The following SAR1B variants were observed in gnomAD, a reference collection of about 807,000 sequenced individuals.
The protein encoded by SAR1B is secretion associated Ras related GTPase 1B, also known as small COPII coat GTPase SAR1B.
In SAR1B, 23 loss-of-function variants were observed where a neutral mutation model predicts 26.8. The ratio of observed to expected loss-of-function variants is 0.86; its 90% CI spans 0.62 to 1.22. The LOEUF is 1.22. Among genes scored for constraint, SAR1B ranks in the 50% most tolerant of loss-of-function variants. The pLI, the probability that SAR1B is intolerant of heterozygous loss-of-function variation, is 0.00. For synonymous variants in SAR1B, 65 were observed against 80.8 expected (o/e 0.80, Z 1.05); for missense variants, 196 against 232.8 (o/e 0.84, Z 1.03).
chr5:134,608,980 A>G, intron 5 of SAR1B: 1 of 414,664 alleles, frequency 2.4e-6, no homozygotes, highest in Non-Finnish European at 4.8e-6. Flanking sequence ...ACCTACCTGG[A>G]CTTTTCCACA....
At chr5:134,631,547 T>C (rs1477403237) in intron 1 of SAR1B, 1 of 152,236 alleles carries the variant, frequency 6.6e-6, no homozygotes, top group African/African-American at 2.4e-5. Context: ...ACACGGAATA[T>C]AGGACGTCTT....
At chr5:134,628,222 T>TA (rs1328667463) in intron 1 of SAR1B, among the ~76,000 whole-genome samples, 6 of 150,948 alleles carry the variant, frequency 4.0e-5, no homozygotes, top group African/African-American at 1.5e-4. Flanking sequence ...CTATAAAAAA[T>TA]ACAAAAATTA....
chr5:134,621,443 A>T (rs559731146), intron 2 of SAR1B, among the ~76,000 whole-genome samples: 211 of 151,780 alleles, frequency 1.4e-3, no homozygotes, highest in African/African-American at 4.2e-3. Context: ...ATTGTACTCC[A>T]GCCTGGGCGA....
Position 134,632,760 on chromosome 5 carries a change from G to A in SAR1B, c.-51C>T, listed in dbSNP as rs1357363369. On this transcript the variant is annotated 5_prime_UTR_variant, in exon 1 of 7. Transcript: ENST00000402673. ...TGGAGGGAACGCAATCCCCTACTTG[G>A]CGTTGGCCGTACACCAGGAGACCGA... 2 of 152,378 alleles carry A rather than the reference G, an allele frequency of 1.3e-5. No homozygotes were observed. Among genetic ancestry groups the A allele is most frequent in the Non-Finnish European group, 2.9e-5 (2 of 68,158 alleles). The allele number at this position is 152,378 out of a possible 1,614,324, so 9.4% of individuals were successfully genotyped here.
At chr5:134,628,568 C>A (rs533625463) in intron 1 of SAR1B, among the ~76,000 whole-genome samples, 2 of 152,156 alleles carry the variant, frequency 1.3e-5, no homozygotes, top group African/African-American at 4.8e-5. Context: ...GTAATCCCTG[C>A]AGTTTGGGAG....
At chr5:134,607,933 A>AGG (rs1580645642) in intron 6 of SAR1B, among the ~76,000 whole-genome samples, 1 of 152,172 alleles carries the variant, frequency 6.6e-6, no homozygotes, top group East Asian at 1.9e-4. Context: ...TCCTAGGAAA[A>AGG]GTGAATACCA....
At chr5:134,623,370 G>A (rs910128155) in intron 2 of SAR1B, among the ~76,000 whole-genome samples, 2 of 151,936 alleles carry the variant, frequency 1.3e-5, no homozygotes, top group Non-Finnish European at 2.9e-5. Context: ...AACCTGGGAG[G>A]TGGAGTTTGC....
At chr5:134,611,340 A>G (rs1381297310) in intron 4 of SAR1B, among the ~76,000 whole-genome samples, 1 of 152,194 alleles carries the variant, frequency 6.6e-6, no homozygotes, top group Non-Finnish European at 1.5e-5. Context: ...ATGTCGCATC[A>G]GGTTTTTAGA....
intron 3 of SAR1B, among the ~76,000 whole-genome samples, chr5:134,615,072 G>C (rs1765284852): frequency 2.0e-5 from 3 of 152,190 alleles, no homozygotes; most frequent in Admixed American, 2.0e-4. Flanking sequence ...CTGGGGGCCG[G>C]GCGCGGTGGC....
At chr5:134,632,561 G>A (rs1003733094) in intron 1 of SAR1B, among the ~76,000 whole-genome samples, 167 bp downstream of exon 1, 1 of 152,226 alleles carries the variant, frequency 6.6e-6, no homozygotes, top group Non-Finnish European at 1.5e-5. Context: ...GCATGGATGA[G>A]ACCTGTCCTC....
At position 134,616,999 on chromosome 5, in the gene SAR1B, G is replaced by C. The variant is rs546351846; in HGVS notation, c.178+3934C>G. Among the ~76,000 whole-genome samples, 4 of 152,216 alleles carry C rather than the reference G, an allele frequency of 2.6e-5. No homozygotes were observed. The East Asian group carries it at 7.7e-4, about 29-fold the overall frequency. ...GTAATCCCAGCACTTTGGGAGGCTG[G>C]ATGGGAGGATCGCTTGAGCCCAGGA... On this transcript the variant is annotated intron_variant, in intron 3 of 6. Coordinates refer to ENST00000402673, the MANE Select transcript of SAR1B (RefSeq NM_016103.4).
chr5:134,608,357 T>TC lies in SAR1B; in HGVS notation c.480+14_480+15insG, dbSNP rs2150049637. 1 of 1,516,394 alleles carries TC rather than the reference T, an allele frequency of 6.6e-7. No individual in the cohort carries two copies. Among genetic ancestry groups the TC allele is most frequent in the Admixed American group, 2.0e-5 (1 of 49,962 alleles). 93.9% of individuals were successfully genotyped at this position (1,516,394 alleles called of 1,614,324 possible). On this transcript the variant is annotated intron_variant, in intron 6 of 6. Transcript: ENST00000402673. ...GAATTAAACACACCCATCATAATTT[T>TC]TTTTTTTTTTTTACCTTTCCTGTTG...
Position 134,604,293 on chromosome 5 carries a change from C to T in SAR1B, c.*2657G>A, listed in dbSNP as rs1034177456. On this transcript the variant is annotated 3_prime_UTR_variant, in exon 7 of 7. Transcript: ENST00000402673. ...TGTATACCACAGTGTTAACTACGCCCTAGCATCTTGCAGTGTGGGACACAC... is the reference window on the plus strand; with the variant it reads ...TGTATACCACAGTGTTAACTACGCCTTAGCATCTTGCAGTGTGGGACACAC... 8 of 152,232 alleles carry T rather than the reference C, an allele frequency of 5.3e-5. No individual in the cohort carries two copies. The allele number at this position is 152,232 out of a possible 1,614,324, so 9.4% of individuals were successfully genotyped here.
At chr5:134,621,155 C>T (rs575927847) in intron 2 of SAR1B, 103 bp from the exon 3 acceptor site, 1 of 1,321,872 alleles carries the variant, frequency 7.6e-7, no homozygotes, top group African/African-American at 1.5e-5. Context: ...AACCTATTTT[C>T]AGTTTTAAAA....
At position 134,616,782 on chromosome 5, in the gene SAR1B, T is replaced by C. The variant is rs568118115; in HGVS notation, c.179-4026A>G. Among the ~76,000 whole-genome samples the C allele has an allele frequency of 3.2e-3, 480 of 152,328 alleles. 4 individuals are homozygous for C. Among genetic ancestry groups the C allele is most frequent in the African/African-American group, 0.011 (450 of 41,570 alleles). On this transcript the variant is annotated intron_variant, in intron 3 of 6. Coordinates refer to ENST00000402673, the MANE Select transcript of SAR1B (RefSeq NM_016103.4). Reference sequence around the variant, plus strand: ...ATTTCATATAAATGGTATCATACAGTAGATAACTTTTTATGACCAGCTTCT... The same window carrying C: ...ATTTCATATAAATGGTATCATACAGCAGATAACTTTTTATGACCAGCTTCT...
At chr5:134,625,399 G>A (rs1561789265) in intron 1 of SAR1B, among the ~76,000 whole-genome samples, 1 of 152,192 alleles carries the variant, frequency 6.6e-6, no homozygotes, top group Non-Finnish European at 1.5e-5. Flanking sequence ...ACAGGATTTT[G>A]AGAGTACTAG....
intron 2 of SAR1B, among the ~76,000 whole-genome samples, chr5:134,621,285 C>T (rs955858322): frequency 6.6e-6 from 1 of 152,080 alleles, no homozygotes. Context: ...GCCTGGCCAA[C>T]ACGGTGAAAC....
chr5:134,626,135 C>G (rs1006610284), intron 1 of SAR1B, among the ~76,000 whole-genome samples: 1 of 151,500 alleles, frequency 6.6e-6, no homozygotes, highest in Non-Finnish European at 1.5e-5. Flanking sequence ...CCCATCTCTA[C>G]TAAAAATACA....
chr5:134,622,301 G>A (rs1464665616), intron 2 of SAR1B, among the ~76,000 whole-genome samples: 3 of 151,796 alleles, frequency 2.0e-5, no homozygotes, highest in African/African-American at 4.8e-5. Context: ...TCACTACTAT[G>A]AGTGTCACGA....
Sources: gnomAD v4.1 joint callset for allele counts (sites outside exome capture counted in the v4.1 genomes callset) on GRCh38, gnomAD v4.1.1 for gene constraint, MANE v1.5 for transcripts, NCBI Gene and HGNC (gene_info 2026-07-23, HGNC 2026-07-21) for gene names.